PCDH15: variants seen among roughly 807,000 people sequenced by gnomAD.
The protein encoded by PCDH15 is protocadherin-15.
A neutral mutation model predicts 178.5 loss-of-function variants in PCDH15; 129 were observed. The ratio of observed to expected loss-of-function variants is 0.72; its 90% CI spans 0.63 to 0.84. PCDH15 has a LOEUF of 0.84. Among genes scored for constraint, PCDH15 ranks in the 40% least tolerant of loss-of-function variants. The pLI is 0.00. For missense variants in PCDH15, 2,230 were observed against 2,099.9 expected (o/e 1.06, Z -1.21); for synonymous variants, 800 against 732.0 (o/e 1.09, Z -1.50).
rs368083934 is a variant in PCDH15 at position 55,175,491 on chromosome 10, C to T, written c.-155-8840G>A. Among the ~76,000 whole-genome samples the T allele has an allele frequency of 6.9e-4, 104 of 151,586 alleles. 1 individual carries two copies. The South Asian group carries it at 0.02, about 29-fold the overall frequency. On this transcript the variant is annotated intron_variant, in intron 1 of 5. Transcript: ENST00000458638. ...CAGCCTGACCAACATGCTGAAACTC[C>T]GTCTCTACTAAAAACACAAAAATTT...
chr10:55,184,248 A>G (rs1839734903), intron 1 of PCDH15, among the ~76,000 whole-genome samples: 2 of 152,122 alleles, frequency 1.3e-5, no homozygotes, highest in African/African-American at 4.8e-5. Context: ...CAATGAGACA[A>G]TTATAGTTTT....
At chr10:54,710,260 T>C (rs1040180380) in intron 1 of PCDH15, among the ~76,000 whole-genome samples, 6 of 151,976 alleles carry the variant, frequency 3.9e-5, no homozygotes, top group African/African-American at 1.2e-4. Context: ...AAACATCAGT[T>C]TTCCTAGTGA....
At chr10:54,935,204 C>T (rs545758481) in intron 2 of PCDH15, among the ~76,000 whole-genome samples, 9 of 152,000 alleles carry the variant, frequency 5.9e-5, no homozygotes, top group South Asian at 4.2e-4. Flanking sequence ...ACATTGTGCA[C>T]GTGTACCCTA....
chr10:54,669,364 T>C (rs2094621184), intron 1 of PCDH15, among the ~76,000 whole-genome samples: 1 of 151,346 alleles, frequency 6.6e-6, no homozygotes, highest in South Asian at 2.1e-4. Flanking sequence ...GTTTATATCA[T>C]ATATTCATCT....
chr10:55,526,266 A>G (rs1010919749), intron 2 of PCDH15, among the ~76,000 whole-genome samples: 1 of 151,978 alleles, frequency 6.6e-6, no homozygotes, highest in African/African-American at 2.4e-5. Context: ...ATATAGTAAA[A>G]AGTATCATTA....
At chr10:55,382,631 A>G (rs949462350) in intron 2 of PCDH15, among the ~76,000 whole-genome samples, 3 of 152,176 alleles carry the variant, frequency 2.0e-5, no homozygotes, top group Admixed American at 6.5e-5. Flanking sequence ...ATGATAACGT[A>G]TATGTGTTGT....
At chr10:54,563,875 T>C (rs2088596252) in intron 2 of PCDH15, among the ~76,000 whole-genome samples, 1 of 152,136 alleles carries the variant, frequency 6.6e-6, no homozygotes, top group Non-Finnish European at 1.5e-5. Flanking sequence ...CTTATTCCTC[T>C]GGTCAGTGTT....
At chr10:55,496,672 A>C (rs1486881000) in intron 2 of PCDH15, among the ~76,000 whole-genome samples, 1 of 151,842 alleles carries the variant, frequency 6.6e-6, no homozygotes, top group Admixed American at 6.6e-5. Context: ...AAGAATAGCT[A>C]GGAAAATATA....
chr10:54,600,814 G>A, intron 2 of PCDH15: 1 of 378,300 alleles, frequency 2.6e-6, no homozygotes, highest in Non-Finnish European at 5.0e-6. Context: ...AATATGAGGA[G>A]ACTGCATGCA....
chr10:54,015,605 T>A (rs1324294458), intron 20 of PCDH15, among the ~76,000 whole-genome samples: 4 of 152,090 alleles, frequency 2.6e-5, no homozygotes, highest in South Asian at 2.1e-4. Flanking sequence ...TGCATACTTA[T>A]AAGCATCTGA....
intron 5 of PCDH15, among the ~76,000 whole-genome samples, chr10:54,362,359 T>G (rs1205785249): frequency 1.3e-5 from 2 of 152,016 alleles, no homozygotes; most frequent in East Asian, 3.9e-4. Context: ...ATTAAAATTA[T>G]TATAAATCTA....
chr10:54,268,638 T>G (rs752288490), intron 8 of PCDH15, among the ~76,000 whole-genome samples: 11 of 151,986 alleles, frequency 7.2e-5, no homozygotes, highest in African/African-American at 2.4e-4. Flanking sequence ...GATGCCATTA[T>G]GCTAAGCAGA....
chr10:55,264,949 T>A (rs2132239538), intron 1 of PCDH15, among the ~76,000 whole-genome samples: 1 of 152,206 alleles, frequency 6.6e-6, no homozygotes, highest in Non-Finnish European at 1.5e-5. Context: ...GACCCAGCCC[T>A]CCTGTTTGCT....
intron 2 of PCDH15, among the ~76,000 whole-genome samples, chr10:55,368,345 A>G (rs1200837399): frequency 1.3e-5 from 2 of 152,106 alleles, no homozygotes; most frequent in East Asian, 3.9e-4. Flanking sequence ...TACACTACAA[A>G]TATACACACA....
At chr10:54,127,662 T>C (rs2042097074) in intron 15 of PCDH15, among the ~76,000 whole-genome samples, 1 of 152,162 alleles carries the variant, frequency 6.6e-6, no homozygotes, top group East Asian at 1.9e-4. Flanking sequence ...TTTCCAAATC[T>C]TTTCCTTTTT....
At chr10:55,410,304 G>T (rs1565110027) in intron 2 of PCDH15, among the ~76,000 whole-genome samples, 1 of 151,936 alleles carries the variant, frequency 6.6e-6, no homozygotes, top group Non-Finnish European at 1.5e-5. Flanking sequence ...GCTGGAATAG[G>T]TTCACTTTTA....
chr10:55,160,070 A>ATTG (rs146493738), intron 2 of PCDH15, among the ~76,000 whole-genome samples: 3 of 151,832 alleles, frequency 2.0e-5, no homozygotes, highest in African/African-American at 7.2e-5. Context: ...AAGCCAAATA[A>ATTG]TTGTTGTCTC....
At chr10:54,027,149 GACAA>G (rs1391666251) in intron 18 of PCDH15, among the ~76,000 whole-genome samples, 145 of 146,728 alleles carry the variant, frequency 9.9e-4, no homozygotes, top group African/African-American at 3.7e-3. Context: ...ACCAACAACA[GACAA>G]ACAGAGAGCC....
chr10:54,386,100 TTGTGTGTGTGTGTGTGTGTGTGTG>T (rs60205554), intron 3 of PCDH15, among the ~76,000 whole-genome samples: 8 of 139,786 alleles, frequency 5.7e-5, no homozygotes, highest in African/African-American at 1.9e-4. Flanking sequence ...TAGTTATTAG[TTGTGTGTGTGTGTGTGTGTGTGTG>T]TGTGTGTGTG....
Sources: allele counts gnomAD v4.1 joint callset (sites outside exome capture counted in the v4.1 genomes callset), GRCh38; gene constraint gnomAD v4.1.1; transcripts MANE v1.5; gene names NCBI Gene and HGNC (gene_info 2026-07-23, HGNC 2026-07-21).